Variants in MYL9 observed in about 807,000 individuals in gnomAD.
MYL9 encodes myosin light chain 9, also known as myosin regulatory light polypeptide 9.
A neutral mutation model predicts 12.8 loss-of-function variants in MYL9; 7 were observed. The ratio of observed to expected loss-of-function variants is 0.55; its 90% CI spans 0.31 to 1.03. The LOEUF (loss-of-function observed/expected upper bound fraction) is 1.03. MYL9 is among the 50% of genes least tolerant of loss of function. MYL9 has a pLI of 0.05. For synonymous variants in MYL9, 81 were observed against 87.8 expected (o/e 0.92, Z 0.43); for missense variants, 190 against 242.7 (o/e 0.78, Z 1.44).
chr20:36,547,972 T>A, intron 2 of MYL9, 60 bp from the exon 3 acceptor site: 5 of 1,518,488 alleles, frequency 3.3e-6, no homozygotes, highest in Non-Finnish European at 4.4e-6. Context: ...GGGGTGCAAG[T>A]TGTCCCAGCT....
At chr20:36,544,315 GGA>G (rs1240448505) in intron 1 of MYL9, among the ~76,000 whole-genome samples, 1 of 152,148 alleles carries the variant, frequency 6.6e-6, no homozygotes, top group African/African-American at 2.4e-5. Flanking sequence ...GGATGGAGTG[GGA>G]GAGTGAGGAA....
chr20:36,544,275 G>C lies in MYL9; in HGVS notation c.-26-584G>C, dbSNP rs185111269. ...ACAGGCGGGGGTTTGACTGCCCAGAGCCTCCTAGAACCTCAGGCGGGCAGC... is the reference window on the plus strand; with the variant it reads ...ACAGGCGGGGGTTTGACTGCCCAGACCCTCCTAGAACCTCAGGCGGGCAGC... On this transcript the variant is annotated intron_variant, in intron 1 of 3. Transcript: ENST00000279022. Among the ~76,000 whole-genome samples, 42 of 152,276 alleles carry C rather than the reference G, an allele frequency of 2.8e-4. No individual in the cohort carries two copies. The East Asian group carries it at 6.2e-3, about 22-fold the overall frequency.
intron 1 of MYL9, among the ~76,000 whole-genome samples, chr20:36,541,922 G>A (rs1294690529): frequency 6.6e-6 from 1 of 152,242 alleles, no homozygotes; most frequent in South Asian, 2.1e-4. Flanking sequence ...GGGTGCTGGG[G>A]AGAGGGTTGC....
intron 1 of MYL9, among the ~76,000 whole-genome samples, chr20:36,544,069 G>C (rs1600744820): frequency 6.6e-6 from 1 of 152,138 alleles, no homozygotes; most frequent in Middle Eastern, 3.4e-3. Context: ...GTCTGTATGG[G>C]ACAGAAGAGG....
At chr20:36,544,446 A>G (rs962509918) in intron 1 of MYL9, among the ~76,000 whole-genome samples, 2 of 152,192 alleles carry the variant, frequency 1.3e-5, no homozygotes, top group Non-Finnish European at 2.9e-5. Flanking sequence ...ACTTGGAAAG[A>G]GAGAGGGACA....
Position 36,549,346 on chromosome 20 carries a change from AT to A in MYL9, c.*98del. On this transcript the variant is annotated 3_prime_UTR_variant, in exon 4 of 4. Transcript: ENST00000279022. ...CCCTGCCCATGACCCTCGCTCAGGG[AT>A]CCCCCTTTGAGGGGTTAGGGTCCCA... 1 of 1,142,464 alleles carries A rather than the reference AT, an allele frequency of 8.8e-7. No homozygotes were observed. Among genetic ancestry groups the A allele is most frequent in the Admixed American group, 2.4e-5 (1 of 41,320 alleles). 70.8% of individuals were successfully genotyped at this position (1,142,464 alleles called of 1,614,324 possible).
At chr20:36,542,523 C>T (rs1466512549) in intron 1 of MYL9, among the ~76,000 whole-genome samples, 2 of 151,798 alleles carry the variant, frequency 1.3e-5, no homozygotes, top group Admixed American at 6.6e-5. Flanking sequence ...GCCTGCCCCT[C>T]GCCCCTCCAC....
At chr20:36,541,890 G>C (rs989461184) in intron 1 of MYL9, among the ~76,000 whole-genome samples, 1 of 152,168 alleles carries the variant, frequency 6.6e-6, no homozygotes, top group Admixed American at 6.5e-5. Context: ...GCTCCGGGGG[G>C]GGCTGGGGAG....
In MYL9 at chr20:36,544,840, C is replaced by T; in HGVS notation, c.-26-19C>T. 6.4e-7 allele frequency: 1 copy of T among 1,570,256 alleles called. No homozygotes were observed. Among genetic ancestry groups the T allele is most frequent in the South Asian group, 1.1e-5 (1 of 87,054 alleles). On this transcript the variant is annotated intron_variant, in intron 1 of 3. Transcript: ENST00000279022. ...GGCCCAGAGTCACAGGGCCACCCAA[C>T]CCCCACCCCTTCCTGCAGGGAAGCC...
chr20:36,547,882 G>A (rs1387129093), intron 2 of MYL9, 150 bp from the exon 3 acceptor site: 11 of 998,926 alleles, frequency 1.1e-5, no homozygotes, highest in South Asian at 3.7e-5. Context: ...CTGTGGCTGC[G>A]CTAGAGCCAT....
chr20:36,549,295 C>T lies in MYL9; in HGVS notation c.*46C>T. The T allele has an allele frequency of 6.9e-7, 1 of 1,455,534 alleles. No homozygotes were observed. The highest frequency in any genetic ancestry group is 2.0e-5 in the Admixed American group (1 of 50,108). The allele number at this position is 1,455,534 out of a possible 1,614,324, so 90.2% of individuals were successfully genotyped here. A position where few individuals can be genotyped will look rare whatever the true frequency, so the allele number is the denominator to read the frequency against. ...CCCCAGCCCCCGCCAGTCACCCCTC[C>T]CCGCACACACCCGTCCATACCAGCT... On this transcript the variant is annotated 3_prime_UTR_variant, in exon 4 of 4. Coordinates refer to ENST00000279022, the MANE Select transcript of MYL9 (RefSeq NM_006097.5).
chr20:36,548,346 G>A (rs1035255341), intron 3 of MYL9, among the ~76,000 whole-genome samples, 153 bp downstream of exon 3: 1 of 152,088 alleles, frequency 6.6e-6, no homozygotes, highest in Non-Finnish European at 1.5e-5. Context: ...TATTGTCGCC[G>A]CAAAGGCTAG....
intron 2 of MYL9, among the ~76,000 whole-genome samples, chr20:36,545,538 G>T (rs567998724): frequency 1.3e-5 from 2 of 151,166 alleles, no homozygotes; most frequent in African/African-American, 4.9e-5. Context: ...CACAAAGCAG[G>T]TCCACCACAG....
chr20:36,545,911 C>T (rs994949025), intron 2 of MYL9, among the ~76,000 whole-genome samples: 2 of 152,180 alleles, frequency 1.3e-5, no homozygotes, highest in African/African-American at 4.8e-5. Context: ...CAGAGCAAGA[C>T]TCCGTCTCAA....
chr20:36,544,705 T>G (rs1183790757), intron 1 of MYL9, among the ~76,000 whole-genome samples, 154 bp from the exon 2 acceptor site: 6 of 152,164 alleles, frequency 3.9e-5, no homozygotes, highest in African/African-American at 1.4e-4. Flanking sequence ...ACAGCCACAC[T>G]TGTCTGCTTT....
chr20:36,544,191 A>G (rs866093726), intron 1 of MYL9, among the ~76,000 whole-genome samples: 10 of 152,220 alleles, frequency 6.6e-5, no homozygotes, highest in Middle Eastern at 3.4e-3. Flanking sequence ...AAGGAGTGGG[A>G]CCCAGGATCA....
chr20:36,549,453 GCTATA>G lies in MYL9; in HGVS notation c.*205_*209del. On this transcript the variant is annotated 3_prime_UTR_variant, in exon 4 of 4. Coordinates refer to ENST00000279022, the MANE Select transcript of MYL9 (RefSeq NM_006097.5). ...TCCCACAGTGACCCCAGAGCCCTGG[GCTATA>G]GTCTCTGACCCCTCCAAGGAAAGAC... 1.8e-6 allele frequency: 1 copy of G among 567,182 alleles called. No individual in the cohort carries two copies. Among genetic ancestry groups the G allele is most frequent in the Non-Finnish European group, 3.1e-6 (1 of 319,530 alleles). The allele number at this position is 567,182 out of a possible 1,614,324, so 35.1% of individuals were successfully genotyped here.
intron 1 of MYL9, among the ~76,000 whole-genome samples, chr20:36,544,225 G>GGGCT (rs1321829729): frequency 6.6e-6 from 1 of 152,176 alleles, no homozygotes; most frequent in African/African-American, 2.4e-5. Flanking sequence ...CACCACTGGG[G>GGGCT]GGCTGGTCAA....
rs1437493971 is a variant in MYL9, at chr20:36,549,414, G to C, written c.*165G>C. ...ACAGGCCAGGAGAAGTGCGTGCCGA[G>C]CTGAGGCAGATGTTCCCACAGTGAC... On this transcript the variant is annotated 3_prime_UTR_variant, in exon 4 of 4. Coordinates refer to ENST00000279022, the MANE Select transcript of MYL9 (RefSeq NM_006097.5). 6.2e-6 allele frequency: 4 copies of C among 649,412 alleles called. No homozygotes were observed. Among genetic ancestry groups the C allele is most frequent in the Non-Finnish European group, 1.0e-5 (4 of 381,458 alleles). 40.2% of individuals were successfully genotyped at this position (649,412 alleles called of 1,614,324 possible).
Sources: gnomAD v4.1 joint callset for allele counts (sites outside exome capture counted in the v4.1 genomes callset) on GRCh38, gnomAD v4.1.1 for gene constraint, MANE v1.5 for transcripts, NCBI Gene and HGNC (gene_info 2026-07-23, HGNC 2026-07-21) for gene names.